Variants in NRXN1 observed in about 807,000 individuals in gnomAD.
NRXN1 encodes neurexin 1.
In NRXN1, 39 loss-of-function variants were observed where a neutral mutation model predicts 150.9. The ratio of observed to expected loss-of-function variants is 0.26; its 90% confidence interval spans 0.20 to 0.34. The LOEUF is 0.34. Ranked by LOEUF, NRXN1 falls within the 10% of genes least tolerant of loss-of-function variation. The pLI, the probability that NRXN1 is intolerant of heterozygous loss-of-function variation, is 1.00. For synonymous variants in NRXN1, 924 were observed against 757.0 expected, an observed-to-expected ratio of 1.22 and a Z score of -3.62; for missense variants, 1,815 against 1,949.9, an observed-to-expected ratio of 0.93 and a Z score of 1.30.
At chr2:50,361,303 C>CA (rs534307251) in intron 17 of NRXN1, among the ~76,000 whole-genome samples, 5 of 151,814 alleles carry the variant, frequency 3.3e-5, no homozygotes, top group African/African-American at 9.7e-5. Flanking sequence ...AAAAAACCTT[C>CA]AAAAAATCAA....
chr2:50,567,143 T>A (rs1486412577), intron 8 of NRXN1, among the ~76,000 whole-genome samples: 1 of 152,182 alleles, frequency 6.6e-6, no homozygotes, highest in African/African-American at 2.4e-5. Flanking sequence ...AGGACCAAAT[T>A]ACCAGACTAC....
chr2:50,326,869 A>G (rs1343399854), intron 17 of NRXN1, among the ~76,000 whole-genome samples: 1 of 152,188 alleles, frequency 6.6e-6, no homozygotes, highest in South Asian at 2.1e-4. Flanking sequence ...AAAATTTGGA[A>G]CACACCTTAG....
intron 17 of NRXN1, among the ~76,000 whole-genome samples, chr2:50,297,987 T>C (rs1014965185): frequency 1.4e-4 from 22 of 152,276 alleles, no homozygotes; most frequent in African/African-American, 5.1e-4. Context: ...GTATCCTCCT[T>C]ACCTTCCTCT....
intron 17 of NRXN1, 147 bp downstream of exon 17, chr2:50,465,295 C>T: frequency 1.6e-6 from 1 of 640,016 alleles, no homozygotes; most frequent in Non-Finnish European, 2.3e-6. Context: ...TCAAAACTGT[C>T]CTTTCCGTAG....
intron 2 of NRXN1, among the ~76,000 whole-genome samples, chr2:50,989,006 C>T (rs2104964894): frequency 6.6e-6 from 1 of 151,878 alleles, no homozygotes; most frequent in Middle Eastern, 3.4e-3. Flanking sequence ...CCCATATTTT[C>T]CCCTATTTTT....
intron 18 of NRXN1, among the ~76,000 whole-genome samples, chr2:50,198,651 G>A (rs1005333854): frequency 2.6e-5 from 4 of 152,042 alleles, no homozygotes; most frequent in Admixed American, 1.3e-4. Context: ...TGTGACAACC[G>A]AAGACACCAA....
At chr2:50,434,580 G>C (rs1246864712) in intron 17 of NRXN1, among the ~76,000 whole-genome samples, 1 of 152,136 alleles carries the variant, frequency 6.6e-6, no homozygotes, top group African/African-American at 2.4e-5. Context: ...CTGGACGCCA[G>C]ACTTGAAAGA....
At chr2:50,989,806 T>TA (rs1170647280) in intron 2 of NRXN1, among the ~76,000 whole-genome samples, 3 of 152,050 alleles carry the variant, frequency 2.0e-5, no homozygotes, top group African/African-American at 7.2e-5. Context: ...GAAAAGGACT[T>TA]ACGTTTTCAC....
chr2:50,894,994 C>A lies in NRXN1; in HGVS notation c.832+26875G>T, dbSNP rs558419593. On this transcript the variant is annotated intron_variant, in intron 5 of 22. Coordinates refer to ENST00000401669, the MANE Select transcript of NRXN1 (RefSeq NM_001330078.2). ...CCATATCTCATGCTTACATCAAATG[C>A]AATTACTACTGCTTTTCAAGAAACA... 1.1e-4 allele frequency among the ~76,000 whole-genome samples: 17 copies of A among 152,160 alleles called. No individual in the cohort carries two copies. The East Asian group carries it at 3.1e-3, about 28-fold the overall frequency.
At chr2:50,692,494 C>T (rs904660207) in intron 5 of NRXN1, among the ~76,000 whole-genome samples, 1 of 151,928 alleles carries the variant, frequency 6.6e-6, no homozygotes, top group South Asian at 2.1e-4. Context: ...ACTTCTATTT[C>T]TTTTTAATTC....
At chr2:49,942,589 ATATTATTATTAT>A (rs1553398763) in intron 22 of NRXN1, among the ~76,000 whole-genome samples, 1 of 149,118 alleles carries the variant, frequency 6.7e-6, no homozygotes, top group African/African-American at 2.5e-5. Context: ...AATGCAAACA[ATATTATTATTAT>A]TATTATTATT....
chr2:50,034,405 T>C (rs556126932), intron 21 of NRXN1, among the ~76,000 whole-genome samples: 4 of 151,984 alleles, frequency 2.6e-5, no homozygotes, highest in African/African-American at 9.6e-5. Context: ...GAAAAACAAA[T>C]ATCACATGTT....
At chr2:50,752,135 T>G (rs1700659864) in intron 5 of NRXN1, among the ~76,000 whole-genome samples, 1 of 151,970 alleles carries the variant, frequency 6.6e-6, no homozygotes, top group African/African-American at 2.4e-5. Flanking sequence ...TCCAATTGAA[T>G]GATTTTACAA....
chr2:50,832,384 G>A (rs776533830), intron 5 of NRXN1, among the ~76,000 whole-genome samples: 3 of 152,150 alleles, frequency 2.0e-5, no homozygotes, highest in Non-Finnish European at 4.4e-5. Flanking sequence ...AGGTGCGGTG[G>A]CTCACACCTG....
chr2:50,868,604 A>G (rs1677311012), intron 5 of NRXN1, among the ~76,000 whole-genome samples: 1 of 151,870 alleles, frequency 6.6e-6, no homozygotes, highest in African/African-American at 2.4e-5. Flanking sequence ...GAGTTACAGA[A>G]ACAAGTTCTA....
chr2:50,845,465 C>A (rs1043909828), intron 5 of NRXN1, among the ~76,000 whole-genome samples: 3 of 152,170 alleles, frequency 2.0e-5, no homozygotes, highest in African/African-American at 7.2e-5. Context: ...AACTAAAACT[C>A]CTCTATTCCA....
intron 17 of NRXN1, among the ~76,000 whole-genome samples, chr2:50,251,465 GT>G (rs2067072856): frequency 6.6e-6 from 1 of 152,026 alleles, no homozygotes; most frequent in Non-Finnish European, 1.5e-5. Context: ...TGTCTTTGCT[GT>G]TGTGAATAGT....
intron 5 of NRXN1, among the ~76,000 whole-genome samples, chr2:50,640,702 T>C (rs561969689): frequency 1.3e-5 from 2 of 152,340 alleles, no homozygotes; most frequent in South Asian, 4.1e-4. Context: ...AATATAGGAT[T>C]GTATCTTGCG....
At chr2:50,637,729 T>C (rs1419785941) in intron 5 of NRXN1, among the ~76,000 whole-genome samples, 1 of 152,174 alleles carries the variant, frequency 6.6e-6, no homozygotes, top group East Asian at 1.9e-4. Flanking sequence ...TAGAAGCCAA[T>C]TCCCAGATCA....
Sources: gnomAD v4.1 joint callset for allele counts (sites outside exome capture counted in the v4.1 genomes callset) on GRCh38, gnomAD v4.1.1 for gene constraint, MANE v1.5 for transcripts, NCBI Gene and HGNC (gene_info 2026-07-23, HGNC 2026-07-21) for gene names.